Variants in COL4A5 observed in about 807,000 individuals in gnomAD.
COL4A5 encodes the protein collagen type IV alpha 5 chain.
In COL4A5, 26 loss-of-function variants were observed where a neutral mutation model predicts 130.2. The observed-to-expected ratio is 0.20, with a 90% CI of 0.15 to 0.28. The LOEUF is 0.28. Ranked by LOEUF, COL4A5 falls within the 10% of genes least tolerant of loss-of-function variation. The pLI is 1.00. For missense variants in COL4A5, 1,131 were observed against 1,344.3 expected, an observed-to-expected ratio of 0.84 and a Z score of 2.48; for synonymous variants, 496 against 439.6, an observed-to-expected ratio of 1.13 and a Z score of -1.60.
chrX:108,662,904 C>A (rs988792369), intron 37 of COL4A5, among the ~76,000 whole-genome samples: 1 of 112,040 alleles, frequency 8.9e-6, no homozygotes, highest in Non-Finnish European at 1.9e-5. Flanking sequence ...ATTGCCAAGA[C>A]AATCCTAAGC....
intron 1 of COL4A5, among the ~76,000 whole-genome samples, chrX:108,538,944 G>A (rs928670958): frequency 8.9e-6 from 1 of 111,792 alleles, no homozygotes; most frequent in African/African-American, 3.2e-5. Flanking sequence ...AGAACATCTA[G>A]ACTGTGGGAG....
At position 108,491,124 on chromosome X, in the gene COL4A5, A is replaced by C. The variant is rs140204076; in HGVS notation, c.82-48622A>C. On this transcript the variant is annotated intron_variant, in intron 1 of 52. Coordinates refer to ENST00000328300, the MANE Select transcript of COL4A5 (RefSeq NM_033380.3). ...CTGCAGTGAACATTCATGTGTGCAC[A>C]TGTCTTTATGGTAGAATACTCATGA... 1.9e-3 allele frequency among the ~76,000 whole-genome samples: 213 copies of C among 112,018 alleles called. 2 individuals carry two copies. The East Asian group carries it at 0.056, about 30-fold the overall frequency.
intron 28 of COL4A5, among the ~76,000 whole-genome samples, chrX:108,605,676 C>G (rs751175631): frequency 8.9e-6 from 1 of 111,969 alleles, no homozygotes; most frequent in Non-Finnish European, 1.9e-5. Flanking sequence ...CACAGCACAA[C>G]AAAATGATGC....
At chrX:108,613,490 T>C (rs1460437863) in intron 29 of COL4A5, among the ~76,000 whole-genome samples, 1 of 112,266 alleles carries the variant, frequency 8.9e-6, no homozygotes, top group Non-Finnish European at 1.9e-5. Flanking sequence ...TATTGGACTT[T>C]ATTAAAATTA....
In COL4A5 at chrX:108,695,268, A is replaced by G. The variant is rs780450922; in HGVS notation, c.4823A>G (p.His1608Arg). Residue 1608 changes from histidine (H) to arginine (R), a missense_variant and splice_region_variant, in exon 52 of 53, where the codon CAT becomes CGT. Coordinates refer to ENST00000328300, the MANE Select transcript of COL4A5 (RefSeq NM_033380.3). ...SLWIGYSFMMHTSAGAEGSGQ... is the reference protein window; with the variant it reads ...SLWIGYSFMMRTSAGAEGSGQ... ...CACATTTTTCCTTGTCTTTTATAGC[A>G]TACAAGTGCAGGGGCAGAAGGCTCA... 1 of 1,210,945 alleles carries G rather than the reference A, an allele frequency of 8.3e-7. No individual in the cohort carries two copies.
chrX:108,524,761 T>C (rs1344460883), intron 1 of COL4A5, among the ~76,000 whole-genome samples: 2 of 111,844 alleles, frequency 1.8e-5, no homozygotes, highest in African/African-American at 6.5e-5. Flanking sequence ...ATAGGTTAAT[T>C]AAAAGTGAAA....
intron 1 of COL4A5, among the ~76,000 whole-genome samples, chrX:108,448,562 A>G (rs984335503): frequency 1.8e-5 from 2 of 111,639 alleles, no homozygotes; most frequent in African/African-American, 6.5e-5. Context: ...TTCTGTGTTT[A>G]CAAGCCCTCC....
At chrX:108,446,976 G>T (rs759921449) in intron 1 of COL4A5, among the ~76,000 whole-genome samples, 22 of 111,249 alleles carry the variant, frequency 2.0e-4, no homozygotes, top group African/African-American at 6.5e-4. Context: ...CTGGGCAGAA[G>T]GTGGAGCTTG....
chrX:108,461,108 A>G lies in COL4A5; in HGVS notation c.81+20902A>G, dbSNP rs371028746. Among the ~76,000 whole-genome samples the G allele has an allele frequency of 3.1e-4, 35 of 111,728 alleles. 1 individual carries two copies. The South Asian group carries it at 0.012, about 38-fold the overall frequency. On this transcript the variant is annotated intron_variant, in intron 1 of 52. Transcript: ENST00000328300. The stretch of plus-strand genomic sequence containing the variant: ...TAAATTAACAAGTGAGATCAAACTG[A>G]AAAAGGTCACCTTTCTTAGAGGCTG...
intron 23 of COL4A5, 77 bp downstream of exon 23, chrX:108,597,145 T>C: frequency 1.1e-6 from 1 of 883,343 alleles, no homozygotes; most frequent in African/African-American, 2.0e-5. Context: ...ATTATTCATA[T>C]ATATACACAC....
chrX:108,487,879 A>G (rs985115589), intron 1 of COL4A5, among the ~76,000 whole-genome samples: 1 of 112,489 alleles, frequency 8.9e-6, no homozygotes, highest in Non-Finnish European at 1.9e-5. Flanking sequence ...TGACTGAAAT[A>G]AAATGGTACC....
At chrX:108,596,862 T>TTAA in intron 22 of COL4A5, 136 bp from the exon 23 acceptor site, 2 of 569,225 alleles carry the variant, frequency 3.5e-6, no homozygotes, top group African/African-American at 2.3e-5. Flanking sequence ...GTGACTTAAA[T>TTAA]GGGATTGAAT....
intron 44 of COL4A5, among the ~76,000 whole-genome samples, chrX:108,680,198 G>C (rs2068397498): frequency 8.9e-6 from 1 of 111,924 alleles, no homozygotes; most frequent in Admixed American, 9.5e-5. Flanking sequence ...ATGGGCAGGG[G>C]GTGTGTTCAA....
At chrX:108,690,192 T>G (rs760951414) in intron 49 of COL4A5, 8 of 176,791 alleles carry the variant, frequency 4.5e-5, no homozygotes, top group Non-Finnish European at 7.1e-5. Flanking sequence ...ACAAAGAGAC[T>G]GGCTAATAGG....
At chrX:108,602,305 T>G (rs1326740761) in intron 27 of COL4A5, among the ~76,000 whole-genome samples, 1 of 112,321 alleles carries the variant, frequency 8.9e-6, no homozygotes, top group East Asian at 2.8e-4. Flanking sequence ...TAGTGTGCAC[T>G]TGATGTTTAT....
intron 29 of COL4A5, among the ~76,000 whole-genome samples, chrX:108,613,617 GCAAA>G (rs1402863862): frequency 3.6e-5 from 4 of 111,619 alleles, no homozygotes; most frequent in Non-Finnish European, 7.6e-5. Flanking sequence ...GGAAAAATGA[GCAAA>G]CAATTTGAGT....
chrX:108,626,518 A>G, intron 36 of COL4A5, 169 bp downstream of exon 36: 1 of 1,152,252 alleles, frequency 8.7e-7, no homozygotes. Flanking sequence ...GATATGTTTT[A>G]GGGTTTGTGG....
chrX:108,494,746 T>G (rs1213540456), intron 1 of COL4A5, among the ~76,000 whole-genome samples: 1 of 111,648 alleles, frequency 9.0e-6, no homozygotes, highest in Non-Finnish European at 1.9e-5. Flanking sequence ...GATTCTATAC[T>G]GAAGAAATAG....
At chrX:108,614,260 G>C (rs1048430347) in intron 29 of COL4A5, among the ~76,000 whole-genome samples, 1 of 112,000 alleles carries the variant, frequency 8.9e-6, no homozygotes, top group East Asian at 2.8e-4. Flanking sequence ...CCAGGTAATT[G>C]GGATGTGGGG....
Sources: gnomAD v4.1 joint callset for allele counts (sites outside exome capture counted in the v4.1 genomes callset) on GRCh38, gnomAD v4.1.1 for gene constraint, MANE v1.5 for transcripts, NCBI Gene and HGNC (gene_info 2026-07-23, HGNC 2026-07-21) for gene names.